CTIF: variants seen among roughly 807,000 people sequenced by gnomAD.
CTIF encodes CBP80/20-dependent translation initiation factor.
In CTIF, 21 loss-of-function variants were observed where a neutral mutation model predicts 66.0. The observed-to-expected ratio is 0.32, with a 90% CI of 0.23 to 0.46. CTIF has a LOEUF of 0.46. Ranked by LOEUF, CTIF falls within the 20% of genes least tolerant of loss-of-function variation. The pLI, the probability that CTIF is intolerant of heterozygous loss-of-function variation, is 1.00. For synonymous variants in CTIF, 345 were observed against 326.4 expected, an observed-to-expected ratio of 1.06 and a Z score of -0.62; for missense variants, 739 against 812.7, an observed-to-expected ratio of 0.91 and a Z score of 1.10.
chr18:48,723,971 C>A (rs2092364116), intron 7 of CTIF, among the ~76,000 whole-genome samples: 1 of 152,194 alleles, frequency 6.6e-6, no homozygotes, highest in East Asian at 1.9e-4. Flanking sequence ...AGAAGATAGG[C>A]CCTCAAGTTC....
Position 48,545,399 on chromosome 18 carries a change from C to T in CTIF, c.-29+6087C>T, listed in dbSNP as rs7231375. 1.8e-3 allele frequency among the ~76,000 whole-genome samples: 276 copies of T among 152,058 alleles called. 1 individual carries two copies. Among genetic ancestry groups the T allele is most frequent in the African/African-American group, 6.1e-3 (253 of 41,478 alleles). On this transcript the variant is annotated intron_variant, in intron 1 of 11. Transcript: ENST00000256413. ...TGGTGAGGCAGTAACAGGCTCTCCA[C>T]GGCATCCAGGTCATAGGGGGTGAGA...
intron 1 of CTIF, among the ~76,000 whole-genome samples, chr18:48,563,931 C>T (rs2089220473): frequency 6.6e-6 from 1 of 152,214 alleles, no homozygotes; most frequent in Non-Finnish European, 1.5e-5. Flanking sequence ...CCATCAGCAC[C>T]AGTCCCCTAC....
At chr18:48,551,745 A>T (rs1568026639) in intron 1 of CTIF, among the ~76,000 whole-genome samples, 2 of 151,850 alleles carry the variant, frequency 1.3e-5, no homozygotes, top group Non-Finnish European at 2.9e-5. Context: ...AAACGCAGGG[A>T]TTGAACAGGT....
intron 6 of CTIF, among the ~76,000 whole-genome samples, chr18:48,681,863 G>A (rs1830138024): frequency 6.6e-6 from 1 of 152,192 alleles, no homozygotes; most frequent in Non-Finnish European, 1.5e-5. Context: ...TTGGCTCACT[G>A]TAACCTCCGC....
chr18:48,594,329 AC>A (rs1465003057), intron 1 of CTIF, among the ~76,000 whole-genome samples: 2 of 80,036 alleles, frequency 2.5e-5, no homozygotes, highest in East Asian at 4.1e-4. Flanking sequence ...CCCCACCCCC[AC>A]CCCACCCCGC....
chr18:48,731,250 C>T (rs750260112), intron 7 of CTIF, among the ~76,000 whole-genome samples: 4 of 152,134 alleles, frequency 2.6e-5, no homozygotes, highest in African/African-American at 4.8e-5. Flanking sequence ...GCTCCAGGCC[C>T]ACTCTGCAGA....
intron 7 of CTIF, among the ~76,000 whole-genome samples, chr18:48,744,369 G>T (rs2092578462): frequency 6.6e-6 from 1 of 152,106 alleles, no homozygotes; most frequent in Non-Finnish European, 1.5e-5. Context: ...GTTGAGATTG[G>T]CATTTCTTCT....
chr18:48,797,873 G>C (rs146105134), intron 9 of CTIF, among the ~76,000 whole-genome samples: 1 of 146,338 alleles, frequency 6.8e-6, no homozygotes, highest in East Asian at 1.9e-4. Context: ...CCCAAGCTCT[G>C]CTGGTACTCT....
chr18:48,737,361 G>A (rs916850417), intron 7 of CTIF, among the ~76,000 whole-genome samples: 1 of 152,214 alleles, frequency 6.6e-6, no homozygotes, highest in Non-Finnish European at 1.5e-5. Flanking sequence ...ACTCTGTCAC[G>A]AAGAAGCAGT....
At chr18:48,626,540 A>G (rs1027663700) in intron 2 of CTIF, among the ~76,000 whole-genome samples, 13 of 143,398 alleles carry the variant, frequency 9.1e-5, no homozygotes, top group East Asian at 2.2e-4. Context: ...GTAGAGACGG[A>G]GTTTCACTAT....
intron 7 of CTIF, among the ~76,000 whole-genome samples, chr18:48,731,981 A>G (rs1366180649): frequency 6.6e-6 from 1 of 152,274 alleles, no homozygotes; most frequent in East Asian, 1.9e-4. Flanking sequence ...CTCTGTTTCC[A>G]TAACCAGATA....
At position 48,719,403 on chromosome 18, in the gene CTIF, C is replaced by T. The variant is rs529800592; in HGVS notation, c.584+7708C>T. On this transcript the variant is annotated intron_variant, in intron 7 of 11. Coordinates refer to ENST00000256413, the MANE Select transcript of CTIF (RefSeq NM_014772.3). ...AAATGACCAGGTCCCCCAGATCTTG[C>T]CCACCGGGAACTGATGAGGAATTAA... 7.9e-5 allele frequency among the ~76,000 whole-genome samples: 12 copies of T among 152,216 alleles called. No homozygotes were observed. In the South Asian group the frequency reaches 1.9e-3, roughly 24 times the overall value.
At chr18:48,760,603 C>A (rs547592943) in intron 8 of CTIF, 1 of 152,338 alleles carries the variant, frequency 6.6e-6, no homozygotes, top group East Asian at 1.9e-4. Flanking sequence ...CCAGATCTCA[C>A]TTCCTTGCAG....
intron 6 of CTIF, among the ~76,000 whole-genome samples, chr18:48,681,895 C>T (rs976725714): frequency 1.8e-4 from 28 of 152,190 alleles, no homozygotes; most frequent in African/African-American, 6.5e-4. Flanking sequence ...AAGCAATTCT[C>T]CTACCTCAGC....
chr18:48,854,697 G>A (rs2069285633), intron 10 of CTIF, among the ~76,000 whole-genome samples: 1 of 152,086 alleles, frequency 6.6e-6, no homozygotes, highest in South Asian at 2.1e-4. Flanking sequence ...AAGGCAGGAG[G>A]ATCACTTGAG....
chr18:48,672,963 C>A (rs1156846936), intron 6 of CTIF, among the ~76,000 whole-genome samples: 1 of 152,174 alleles, frequency 6.6e-6, no homozygotes, highest in Admixed American at 6.6e-5. Context: ...GCTTTCTCAC[C>A]AGCAGGCGGT....
chr18:48,598,082 G>T (rs959519115), intron 1 of CTIF, among the ~76,000 whole-genome samples: 5 of 152,212 alleles, frequency 3.3e-5, no homozygotes, highest in African/African-American at 7.2e-5. Flanking sequence ...CAGTGGGCCT[G>T]CAGTAAGCTC....
intron 7 of CTIF, among the ~76,000 whole-genome samples, chr18:48,752,198 C>T (rs1238494475): frequency 6.6e-6 from 1 of 152,226 alleles, no homozygotes; most frequent in Non-Finnish European, 1.5e-5. Flanking sequence ...GCAAAGAGAG[C>T]CACAAAATCT....
At chr18:48,753,638 T>C (rs1384018064) in intron 7 of CTIF, among the ~76,000 whole-genome samples, 1 of 152,172 alleles carries the variant, frequency 6.6e-6, no homozygotes, top group Non-Finnish European at 1.5e-5. Flanking sequence ...CAGCAGGTGT[T>C]GCCAGTAGCA....
Sources: allele counts gnomAD v4.1 joint callset (sites outside exome capture counted in the v4.1 genomes callset), GRCh38; gene constraint gnomAD v4.1.1; transcripts MANE v1.5; gene names NCBI Gene and HGNC (gene_info 2026-07-23, HGNC 2026-07-21).